The following TOB2 variants were observed in gnomAD, a reference collection of about 807,000 sequenced individuals.
TOB2 encodes the protein protein Tob2.
A neutral mutation model predicts 17.3 loss-of-function variants in TOB2; 3 were observed. The ratio of observed to expected loss-of-function variants is 0.17; its 90% confidence interval spans 0.08 to 0.45. The LOEUF is 0.45. TOB2 is among the 20% of genes least tolerant of loss of function. The pLI, the probability that TOB2 is intolerant of heterozygous loss-of-function variation, is 0.99. For synonymous variants in TOB2, 163 were observed against 185.6 expected (o/e 0.88, Z 0.99); for missense variants, 407 against 445.7 (o/e 0.91, Z 0.78).
rs2037545602 is a variant in TOB2, at chr22:41,436,264, C to G, written c.*47G>C. 1 of 1,483,360 alleles carries G rather than the reference C, an allele frequency of 6.7e-7. No homozygotes were observed. The highest frequency in any genetic ancestry group is 1.4e-5 in the African/African-American group (1 of 71,218). 91.9% of individuals were successfully genotyped at this position (1,483,360 alleles called of 1,614,324 possible). A position where few individuals can be genotyped will look rare whatever the true frequency, so the allele number is the denominator to read the frequency against. On this transcript the variant is annotated 3_prime_UTR_variant, in exon 2 of 2. Transcript: ENST00000327492. This position sits in a 1 kb window ranked among gnomAD's most constrained non-coding sequence, Gnocchi z 4.8. ...CTCTTTTTTTTGGCCTTTCCTTTCT[C>G]TTTTCTGTGGTCTTGGGTGCTCCTG...
At chr22:41,446,347 C>G (rs979207040) in intron 1 of TOB2, 32 bp downstream of exon 1, 1 of 152,932 alleles carries the variant, frequency 6.5e-6, no homozygotes, top group Admixed American at 6.5e-5. Context: ...TCGGGGCGGG[C>G]CCCCCGCCCG....
At position 41,445,173 on chromosome 22, in the gene TOB2, T is replaced by C. The variant is rs555454642; in HGVS notation, c.-63+1206A>G. Among the ~76,000 whole-genome samples the C allele has an allele frequency of 4.7e-4, 72 of 152,262 alleles. 2 individuals carry two copies. In the South Asian group the frequency reaches 0.014, roughly 29 times the overall value. On this transcript the variant is annotated intron_variant, in intron 1 of 1. Coordinates refer to ENST00000327492, the MANE Select transcript of TOB2 (RefSeq NM_016272.4). ...AGTAACCAGATCCGGGAGAGGGAAA[T>C]AGGAAAAGGTTCCCAGGCAGAGAAG... is the stretch of plus-strand genomic sequence containing the variant.
rs34651461 is a variant in TOB2, at chr22:41,442,094, CAA to C, written c.-63+4283_-63+4284del. Among the ~76,000 whole-genome samples the C allele has an allele frequency of 1.7e-4, 18 of 105,816 alleles. No homozygotes were observed. In the East Asian group the frequency reaches 2.7e-3, roughly 16 times the overall value. 69.4% of individuals were successfully genotyped at this position (105,816 alleles called of 152,430 possible). A position where few individuals can be genotyped will look rare whatever the true frequency, so the allele number is the denominator to read the frequency against. On this transcript the variant is annotated intron_variant, in intron 1 of 1. Coordinates refer to ENST00000327492, the MANE Select transcript of TOB2 (RefSeq NM_016272.4). The stretch of plus-strand genomic sequence containing the variant: ...TGACAAAGTGAGAGAAATTCTGCCT[CAA>C]AAAAAAAAAAAAAAGAAAAAAAAGT...
rs2037553170 is a variant in TOB2 at position 41,436,696 on chromosome 22, G to A, written c.650C>T (p.Pro217Leu). 1.9e-6 allele frequency: 3 copies of A among 1,613,366 alleles called. No homozygotes were observed. The highest frequency in any genetic ancestry group is 2.5e-6 in the Non-Finnish European group (3 of 1,179,650). Residue 217 changes from proline (P) to leucine (L), a missense_variant, in exon 2 of 2, where the codon CCT (proline) becomes CTT (leucine). By Grantham distance (98) the Pro-to-Leu change is moderately conservative. Transcript: ENST00000327492. The surrounding 1 kb of genome is among the most constrained non-coding windows in gnomAD (Gnocchi z 4.8). ...GTTGGTGGGTGAGCGGGCCATGCGA[G>A]GCTGCTGTGGTGGCTGCTGGCCACC... is the stretch of plus-strand genomic sequence containing the variant. The part of the protein sequence containing the change: ...GAGGQQPPQQ[P>L]RMARSPTNSL...
In TOB2 at chr22:41,436,203, AG is replaced by A. The variant is rs2037544649; in HGVS notation, c.*107del. The A allele has an allele frequency of 1.5e-6, 2 of 1,377,108 alleles. No individual in the cohort carries two copies. The highest frequency in any genetic ancestry group is 9.5e-7 in the Non-Finnish European group (1 of 1,049,180). The allele number at this position is 1,377,108 out of a possible 1,614,324, so 85.3% of individuals were successfully genotyped here. ...GATCTTTTTTCTAGAAGTAAGAGTG[AG>A]AAGATCGAAAATCTTTTTGTACATT... On this transcript the variant is annotated 3_prime_UTR_variant, in exon 2 of 2. Coordinates refer to ENST00000327492, the MANE Select transcript of TOB2 (RefSeq NM_016272.4). This position sits in a 1 kb window ranked among gnomAD's most constrained non-coding sequence, Gnocchi z 4.8.
At position 41,438,579 on chromosome 22, in the gene TOB2, G is replaced by A. The variant is rs12165343; in HGVS notation, c.-62-1172C>T. On this transcript the variant is annotated intron_variant, in intron 1 of 1. Coordinates refer to ENST00000327492, the MANE Select transcript of TOB2 (RefSeq NM_016272.4). ...CAGGAGGCGGAGGTTGTGGTGAGCC[G>A]AGATCGCACCATTGTACTCCAGCCT... Among the ~76,000 whole-genome samples the A allele has an allele frequency of 5.2e-3, 649 of 123,742 alleles. 3 individuals carry two copies. The highest frequency in any genetic ancestry group is 0.019 in the African/African-American group (624 of 33,112). 81.2% of individuals were successfully genotyped at this position (123,742 alleles called of 152,430 possible).
intron 1 of TOB2, among the ~76,000 whole-genome samples, chr22:41,437,944 ATC>A (rs2037572050): frequency 1.1e-5 from 1 of 87,976 alleles, no homozygotes. Context: ...GTGAGACTCC[ATC>A]TCAAAAAAAA....
At chr22:41,442,506 C>T (rs2037631017) in intron 1 of TOB2, among the ~76,000 whole-genome samples, 1 of 152,250 alleles carries the variant, frequency 6.6e-6, no homozygotes, top group Non-Finnish European at 1.5e-5. Flanking sequence ...AAGCTGCACA[C>T]CAATTTATAC....
intron 1 of TOB2, among the ~76,000 whole-genome samples, chr22:41,445,290 T>TA (rs1032383076): frequency 6.6e-6 from 1 of 152,238 alleles, no homozygotes; most frequent in African/African-American, 2.4e-5. Context: ...CGACCAGACT[T>TA]ACCAGATCCT....
intron 1 of TOB2, among the ~76,000 whole-genome samples, chr22:41,444,564 C>A (rs73418871): frequency 0.043 from 6,574 of 152,338 alleles, 444 homozygotes; most frequent in African/African-American, 0.15. Context: ...TTGCGAAGGC[C>A]CAACTGGCCG....
intron 1 of TOB2, among the ~76,000 whole-genome samples, chr22:41,444,853 G>T (rs1045729464): frequency 6.6e-6 from 1 of 152,162 alleles, no homozygotes; most frequent in African/African-American, 2.4e-5. Context: ...TGAAGGGGGT[G>T]GGCTGGCTTA....
rs199631098 is a variant in TOB2, at chr22:41,437,132, C to T, written c.214G>A (p.Ala72Thr). ...TCCACCGCCAGGCCACTCCGCTTGG[C>T]GGCCAGCTCCACCACGGGGTCCACC... ...EMVDPVVELA[A>T]KRSGLAVEDV... Residue 72 changes from alanine to threonine, a missense_variant, in exon 2 of 2, where the codon GCC becomes ACC. Ala to Thr is a moderately conservative substitution (Grantham distance 58, BLOSUM62 0). Coordinates refer to ENST00000327492, the MANE Select transcript of TOB2 (RefSeq NM_016272.4). 10 of 1,614,122 alleles carry T rather than the reference C, an allele frequency of 6.2e-6. No individual in the cohort carries two copies. Among genetic ancestry groups the T allele is most frequent in the East Asian group, 4.5e-5 (2 of 44,886 alleles).
intron 1 of TOB2, among the ~76,000 whole-genome samples, chr22:41,441,338 G>A (rs2037618839): frequency 6.7e-6 from 1 of 149,650 alleles, no homozygotes; most frequent in Non-Finnish European, 1.5e-5. Context: ...AGTAAGAATA[G>A]TAGAAAGAAT....
chr22:41,444,939 G>A (rs998242597), intron 1 of TOB2, among the ~76,000 whole-genome samples: 2 of 152,302 alleles, frequency 1.3e-5, no homozygotes, highest in Non-Finnish European at 2.9e-5. Context: ...GTTGCTGGAT[G>A]GACGGTGGAT....
rs371138962 is a variant in TOB2 at position 41,437,261 on chromosome 22, C to T, written c.85G>A (p.Gly29Arg). ...KLPRRRADLF[G>R]EELERLLKKK... Reference sequence around the variant, plus strand: ...TTCAAAAGCCGCTCTAGCTCCTCCCCAAACAGGTCTGCCCGGCGCCGGGGC... The same window carrying T: ...TTCAAAAGCCGCTCTAGCTCCTCCCTAAACAGGTCTGCCCGGCGCCGGGGC... The change falls in exon 2 of 2, where the codon GGG (glycine) becomes AGG (arginine). Residue 29 changes from glycine to arginine, a missense_variant. Coordinates refer to ENST00000327492, the MANE Select transcript of TOB2 (RefSeq NM_016272.4). 3 of 1,614,000 alleles carry T rather than the reference C, an allele frequency of 1.9e-6. No individual in the cohort carries two copies. Among genetic ancestry groups the T allele is most frequent in the Non-Finnish European group, 2.5e-6 (3 of 1,180,020 alleles).
In TOB2 at chr22:41,437,383, G is replaced by C; in HGVS notation, c.-38C>G. ...GGCAGAGAATCAGCACAGGGCACGTGTACAGCCTTGGGCTCCAGGCGGCTC... is the reference window on the plus strand; with the variant it reads ...GGCAGAGAATCAGCACAGGGCACGTCTACAGCCTTGGGCTCCAGGCGGCTC... On this transcript the variant is annotated 5_prime_UTR_variant, in exon 2 of 2. Coordinates refer to ENST00000327492, the MANE Select transcript of TOB2 (RefSeq NM_016272.4). 6.3e-7 allele frequency: 1 copy of C among 1,577,856 alleles called. No homozygotes were observed. Among genetic ancestry groups the C allele is most frequent in the Non-Finnish European group, 8.6e-7 (1 of 1,163,396 alleles).
At chr22:41,441,563 G>A (rs576540260) in intron 1 of TOB2, among the ~76,000 whole-genome samples, 3 of 152,216 alleles carry the variant, frequency 2.0e-5, no homozygotes, top group East Asian at 3.9e-4. Flanking sequence ...TGGATCACTT[G>A]AGGCCAGGAA....
intron 1 of TOB2, among the ~76,000 whole-genome samples, chr22:41,440,985 A>G (rs2146035609): frequency 6.6e-6 from 1 of 152,218 alleles, no homozygotes; most frequent in South Asian, 2.1e-4. Flanking sequence ...TTAATGATCA[A>G]TACAGACCAA....
chr22:41,445,232 C>T (rs182560242), intron 1 of TOB2, among the ~76,000 whole-genome samples: 2 of 152,354 alleles, frequency 1.3e-5, no homozygotes, highest in East Asian at 1.9e-4. Context: ...TGAGCATCTT[C>T]TCATACTAAA....
Sources: gnomAD v4.1 joint callset for allele counts (sites outside exome capture counted in the v4.1 genomes callset) on GRCh38, gnomAD v4.1.1 for gene constraint, Gnocchi (gnomAD v3.1) non-coding constraint, MANE v1.5 for transcripts, NCBI Gene and HGNC (gene_info 2026-07-23, HGNC 2026-07-21) for gene names.